Variants in PTPRD observed in about 807,000 individuals in gnomAD.
PTPRD encodes protein tyrosine phosphatase receptor type D.
A neutral mutation model predicts 214.5 loss-of-function variants in PTPRD; 34 were observed. That is an observed-to-expected ratio of 0.16 (90% confidence interval 0.12 to 0.21). PTPRD has a LOEUF of 0.21. PTPRD is among the 10% of genes least tolerant of loss of function. The probability of loss-of-function intolerance (pLI) is 1.00; values close to 1 mark genes in which losing one functional copy is unlikely to be tolerated. For missense variants in PTPRD, 2,545 were observed against 2,398.7 expected, an observed-to-expected ratio of 1.06 and a Z score of -1.27; for synonymous variants, 1,128 against 845.7, an observed-to-expected ratio of 1.33 and a Z score of -5.79.
chr9:8,958,174 A>AT (rs1238524407), intron 11 of PTPRD, among the ~76,000 whole-genome samples: 1 of 151,852 alleles, frequency 6.6e-6, no homozygotes, highest in Non-Finnish European at 1.5e-5. Flanking sequence ...GGGTGCCAGA[A>AT]TTTGCTCTCA....
Position 8,407,569 on chromosome 9 carries a change from A to G in PTPRD, c.4087-2909T>C, listed in dbSNP as rs12341375. On this transcript the variant is annotated intron_variant, in intron 35 of 45. Coordinates refer to ENST00000381196, the MANE Select transcript of PTPRD (RefSeq NM_002839.4). ...TGCCACTGCAAAAGGAAGAAGCCCA[A>G]CTTAAGAAACACACCTACACATCAC... 8.8e-3 allele frequency among the ~76,000 whole-genome samples: 1,344 copies of G among 152,224 alleles called. 25 individuals are homozygous for G. Among genetic ancestry groups the G allele is most frequent in the African/African-American group, 0.031 (1,277 of 41,560 alleles).
At chr9:10,025,030 T>C (rs1312953957) in intron 4 of PTPRD, among the ~76,000 whole-genome samples, 3 of 151,860 alleles carry the variant, frequency 2.0e-5, no homozygotes, top group Admixed American at 1.3e-4. Flanking sequence ...CAGTCTATCA[T>C]TGTTGGACAT....
At chr9:9,677,108 A>C (rs1053328041) in intron 7 of PTPRD, among the ~76,000 whole-genome samples, 12 of 151,880 alleles carry the variant, frequency 7.9e-5, no homozygotes, top group South Asian at 4.2e-4. Flanking sequence ...GTTTCTTTTG[A>C]TGTGCAGAAG....
At chr9:8,530,495 C>T (rs991556193) in intron 14 of PTPRD, among the ~76,000 whole-genome samples, 6 of 152,064 alleles carry the variant, frequency 3.9e-5, no homozygotes, top group Admixed American at 2.6e-4. Flanking sequence ...ACCATAGCAG[C>T]GGCTACTCAA....
At chr9:8,730,204 C>T (rs972208500) in intron 12 of PTPRD, among the ~76,000 whole-genome samples, 1 of 151,956 alleles carries the variant, frequency 6.6e-6, no homozygotes, top group African/African-American at 2.4e-5. Flanking sequence ...TGCACTGAGC[C>T]GAGATCGCGC....
chr9:8,526,231 T>C (rs2074081710), intron 17 of PTPRD, among the ~76,000 whole-genome samples: 1 of 149,280 alleles, frequency 6.7e-6, no homozygotes, highest in Non-Finnish European at 1.5e-5. Flanking sequence ...AAAATGATCT[T>C]TTTTTTTCTC....
intron 5 of PTPRD, among the ~76,000 whole-genome samples, chr9:9,841,319 G>A (rs1484857694): frequency 6.6e-6 from 1 of 151,962 alleles, no homozygotes; most frequent in African/African-American, 2.4e-5. Flanking sequence ...ACTGAGTCTT[G>A]CGTTTATTCA....
chr9:8,742,846 A>C (rs1337329743), intron 11 of PTPRD, among the ~76,000 whole-genome samples: 4 of 152,158 alleles, frequency 2.6e-5, no homozygotes, highest in African/African-American at 9.7e-5. Flanking sequence ...GGGTGATCAA[A>C]TCTCTGGGCC....
At chr9:8,521,744 G>C (rs561041633) in intron 19 of PTPRD, among the ~76,000 whole-genome samples, 198 bp from the exon 20 acceptor site, 17 of 152,228 alleles carry the variant, frequency 1.1e-4, no homozygotes, top group Non-Finnish European at 2.1e-4. Flanking sequence ...TATTTATTTA[G>C]TTTAGTCATT....
intron 7 of PTPRD, among the ~76,000 whole-genome samples, chr9:9,671,411 G>C (rs998466406): frequency 4.0e-5 from 6 of 151,212 alleles, no homozygotes; most frequent in African/African-American, 1.4e-4. Context: ...ATGAGACTAC[G>C]GACTGTGGAC....
At chr9:9,282,904 G>A (rs954378732) in intron 9 of PTPRD, among the ~76,000 whole-genome samples, 2 of 151,484 alleles carry the variant, frequency 1.3e-5, no homozygotes, top group Admixed American at 6.6e-5. Context: ...TATAGAGTTA[G>A]TTATGTGAAC....
At chr9:9,938,793 A>G (rs973788145) in intron 4 of PTPRD, among the ~76,000 whole-genome samples, 183 bp from the exon 5 acceptor site, 1 of 152,170 alleles carries the variant, frequency 6.6e-6, no homozygotes, top group African/African-American at 2.4e-5. Flanking sequence ...GCACCTGTAT[A>G]AGTCAAAGGG....
At chr9:9,430,795 A>C (rs146480300) in intron 8 of PTPRD, among the ~76,000 whole-genome samples, 317 of 152,356 alleles carry the variant, frequency 2.1e-3, no homozygotes, top group South Asian at 8.7e-3. Flanking sequence ...AAAAACAAGA[A>C]ATGGGGAAAG....
At chr9:10,061,020 T>C (rs1177758283) in intron 3 of PTPRD, among the ~76,000 whole-genome samples, 3 of 151,202 alleles carry the variant, frequency 2.0e-5, no homozygotes, top group Non-Finnish European at 4.4e-5. Flanking sequence ...CTCTCTCTCT[T>C]TCTTTTCTCT....
At chr9:8,957,892 C>T (rs1039563753) in intron 11 of PTPRD, among the ~76,000 whole-genome samples, 1 of 150,600 alleles carries the variant, frequency 6.6e-6, no homozygotes, top group Non-Finnish European at 1.5e-5. Context: ...TGCTATAGTC[C>T]CAAATGAAAA....
At chr9:9,897,668 G>A (rs1452396591) in intron 5 of PTPRD, among the ~76,000 whole-genome samples, 1 of 151,920 alleles carries the variant, frequency 6.6e-6, no homozygotes, top group African/African-American at 2.4e-5. Flanking sequence ...TATAGCTGTT[G>A]ATTCACCTAT....
intron 12 of PTPRD, among the ~76,000 whole-genome samples, chr9:8,683,685 G>A (rs1484512915): frequency 3.3e-5 from 5 of 152,158 alleles, no homozygotes; most frequent in African/African-American, 1.2e-4. Context: ...CCCTCCATTT[G>A]AATCTGGGCA....
At chr9:10,180,375 C>T (rs2099275100) in intron 3 of PTPRD, among the ~76,000 whole-genome samples, 1 of 151,854 alleles carries the variant, frequency 6.6e-6, no homozygotes, top group East Asian at 1.9e-4. Flanking sequence ...CATCACTGAC[C>T]TCCTTTCCTA....
intron 20 of PTPRD, among the ~76,000 whole-genome samples, chr9:8,519,241 T>C (rs2097845635): frequency 6.6e-6 from 1 of 152,174 alleles, no homozygotes; most frequent in Admixed American, 6.6e-5. Context: ...ATATTCCACA[T>C]CAGAAATATC....
Sources: allele counts gnomAD v4.1 joint callset (sites outside exome capture counted in the v4.1 genomes callset), GRCh38; gene constraint gnomAD v4.1.1; transcripts MANE v1.5; gene names NCBI Gene and HGNC (gene_info 2026-07-23, HGNC 2026-07-21).